Variants in TXNIP observed in about 807,000 individuals in gnomAD.
The protein encoded by TXNIP is thioredoxin interacting protein.
In TXNIP, 23 loss-of-function variants were observed where a neutral mutation model predicts 43.9. The observed-to-expected ratio is 0.52, with a 90% CI of 0.38 to 0.74. TXNIP has a LOEUF of 0.74. Among genes scored for constraint, TXNIP ranks in the 30% least tolerant of loss-of-function variants. The pLI, the probability that TXNIP is intolerant of heterozygous loss-of-function variation, is 0.00. For missense variants in TXNIP, 555 were observed against 485.4 expected, an observed-to-expected ratio of 1.14 and a Z score of -1.35; for synonymous variants, 234 against 172.2, an observed-to-expected ratio of 1.36 and a Z score of -2.81.
rs782749501 is a variant in TXNIP, at chr1:145,996,022, G to A, written c.245C>T (p.Pro82Leu). 2 of 1,613,212 alleles carry A rather than the reference G, an allele frequency of 1.2e-6. No homozygotes were observed. Among genetic ancestry groups the A allele is most frequent in the Non-Finnish European group, 1.7e-6 (2 of 1,179,770 alleles). The change falls in exon 1 of 8, where the codon CCA becomes CTA. Residue 82 changes from proline (P) to leucine (L), a missense_variant. Coordinates refer to ENST00000582401, the MANE Select transcript of TXNIP (RefSeq NM_006472.6). ...YEDTLLLEDQ[P>L]TGENEMVIMR... ...CAATGAATTGGGCCGCTTACCTGTTGGCTGGTCTTCCAGAAGAAGCGTGTC... is the reference window on the plus strand; with the variant it reads ...CAATGAATTGGGCCGCTTACCTGTTAGCTGGTCTTCCAGAAGAAGCGTGTC...
At position 145,993,300 on chromosome 1, in the gene TXNIP, C is replaced by T. The variant is rs1651265657; in HGVS notation, c.*551G>A. The T allele has an allele frequency of 1.3e-5, 2 of 153,500 alleles. No homozygotes were observed. The highest frequency in any genetic ancestry group is 4.8e-5 in the African/African-American group (2 of 41,428). 9.5% of individuals were successfully genotyped at this position (153,500 alleles called of 1,614,324 possible). A position where few individuals can be genotyped will look rare whatever the true frequency, so the allele number is the denominator to read the frequency against. On this transcript the variant is annotated 3_prime_UTR_variant, in exon 8 of 8. Coordinates refer to ENST00000582401, the MANE Select transcript of TXNIP (RefSeq NM_006472.6). Reference sequence around the variant, plus strand: ...AGGGAAAGCTCTCTCCATTGTCCATCAAATCAGCTCTAGAAGGTTTTTCTT... The same window carrying T: ...AGGGAAAGCTCTCTCCATTGTCCATTAAATCAGCTCTAGAAGGTTTTTCTT...
rs1651188848 is a variant in TXNIP, at chr1:145,992,457, TTTA to T, written c.*1391_*1393del. ...ACATTTTTTTTTCCATTAAAAAAAC[TTTA>T]TTTTCATTTTTTACAAAGAATATCC... On this transcript the variant is annotated 3_prime_UTR_variant, in exon 8 of 8. Coordinates refer to ENST00000582401, the MANE Select transcript of TXNIP (RefSeq NM_006472.6). 2.6e-5 allele frequency: 4 copies of T among 152,630 alleles called. No individual in the cohort carries two copies. The highest frequency in any genetic ancestry group is 5.9e-5 in the Non-Finnish European group (4 of 68,032). 9.5% of individuals were successfully genotyped at this position (152,630 alleles called of 1,614,324 possible).
chr1:145,994,997 G>A lies in TXNIP; in HGVS notation c.506C>T (p.Ser169Phe), dbSNP rs781935126. Residue 169 changes from serine to phenylalanine, a missense_variant, in exon 4 of 8, where the codon TCC becomes TTC. Physicochemically the swap from Ser to Phe is radical, Grantham distance 155. Coordinates refer to ENST00000582401, the MANE Select transcript of TXNIP (RefSeq NM_006472.6). ...CCGCCCATCAGGAATGAACATGCAG[G>A]AAACTTTCTTTTCTTTTTTAGCAGA... ...PVSAKKEKKVSCMFIPDGRVS... is the reference protein window; with the variant it reads ...PVSAKKEKKVFCMFIPDGRVS... 19 of 1,614,036 alleles carry A rather than the reference G, an allele frequency of 1.2e-5. No individual in the cohort carries two copies. Among genetic ancestry groups the A allele is most frequent in the Admixed American group, 1.7e-5 (1 of 59,998 alleles).
chr1:145,994,456 GT>G lies in TXNIP; in HGVS notation c.832-20del. The stretch of plus-strand genomic sequence containing the variant: ...CATAGATCTAGAAAGGAAGATGGCA[GT>G]TTATTACACCAGAGGTCTGGAGAAA... On this transcript the variant is annotated intron_variant, in intron 5 of 7. Transcript: ENST00000582401. The G allele has an allele frequency of 6.2e-7, 1 of 1,613,500 alleles. No individual in the cohort carries two copies. The highest frequency in any genetic ancestry group is 8.5e-7 in the Non-Finnish European group (1 of 1,179,670).
At chr1:145,995,735 G>T (rs145679208) in intron 1 of TXNIP, 33 of 608,184 alleles carry the variant, frequency 5.4e-5, no homozygotes, top group African/African-American at 4.6e-4. Context: ...ATAGGAAGTA[G>T]ACAAAGAATA....
chr1:145,995,992 T>C, intron 1 of TXNIP, 25 bp downstream of exon 1: 1 of 1,610,510 alleles, frequency 6.2e-7, no homozygotes, highest in Non-Finnish European at 8.5e-7. Context: ...GCTTTCACCC[T>C]CCAACAATGA....
chr1:145,995,973 C>T, intron 1 of TXNIP, 44 bp downstream of exon 1: 1 of 1,603,410 alleles, frequency 6.2e-7, no homozygotes, highest in Non-Finnish European at 8.5e-7. Flanking sequence ...CAATTCTCTT[C>T]TCTAATCAGC....
chr1:145,995,891 G>C (rs1651492574), intron 1 of TXNIP, 126 bp downstream of exon 1: 5 of 1,187,522 alleles, frequency 4.2e-6, no homozygotes, highest in East Asian at 2.4e-5. Context: ...ACAGAAAAAA[G>C]GAAGCAACAA....
chr1:145,996,469 G>A lies in TXNIP; in HGVS notation c.-203C>T. 1 of 557,774 alleles carries A rather than the reference G, an allele frequency of 1.8e-6. No individual in the cohort carries two copies. Among genetic ancestry groups the A allele is most frequent in the South Asian group, 2.3e-5 (1 of 43,946 alleles). The allele number at this position is 557,774 out of a possible 1,614,324, so 34.6% of individuals were successfully genotyped here. On this transcript the variant is annotated 5_prime_UTR_variant, in exon 1 of 8. Transcript: ENST00000582401. Reference sequence around the variant, plus strand: ...TCGAAAAGGCGCCTAAAAAATATACGCCGCTGGTTACACTAAGCTAATTCA... The same window carrying A: ...TCGAAAAGGCGCCTAAAAAATATACACCGCTGGTTACACTAAGCTAATTCA...
chr1:145,993,918 G>T (rs781909880), intron 7 of TXNIP, 32 bp from the exon 8 acceptor site: 8 of 1,613,870 alleles, frequency 5.0e-6, no homozygotes, highest in Non-Finnish European at 6.8e-6. Context: ...TTCAGTTCAG[G>T]TAAGAACAAA....
At chr1:145,995,884 G>A (rs1553766483) in intron 1 of TXNIP, 133 bp downstream of exon 1, 1 of 1,154,952 alleles carries the variant, frequency 8.7e-7, no homozygotes, top group African/African-American at 1.5e-5. Context: ...AATTAAAACA[G>A]AAAAAAGGAA....
At position 145,994,446 on chromosome 1, in the gene TXNIP, GAA is replaced by G. The variant is rs782043621; in HGVS notation, c.832-11_832-10del. The G allele has an allele frequency of 1.9e-6, 3 of 1,613,546 alleles. No homozygotes were observed. In the South Asian group the frequency reaches 3.3e-5, roughly 18 times the overall value. On this transcript the variant is annotated splice_polypyrimidine_tract_variant and intron_variant, in intron 5 of 7. Coordinates refer to ENST00000582401, the MANE Select transcript of TXNIP (RefSeq NM_006472.6). ...GGAACGCTAACATAGATCTAGAAAG[GAA>G]GATGGCAGTTTATTACACCAGAGGT...
rs1651225176 is a variant in TXNIP at position 145,992,940 on chromosome 1, A to C, written c.*911T>G. 6.5e-6 allele frequency: 1 copy of C among 152,674 alleles called. No homozygotes were observed. Among genetic ancestry groups the C allele is most frequent in the Admixed American group, 6.5e-5 (1 of 15,282 alleles). The allele number at this position is 152,674 out of a possible 1,614,324, so 9.5% of individuals were successfully genotyped here. On this transcript the variant is annotated 3_prime_UTR_variant, in exon 8 of 8. Coordinates refer to ENST00000582401, the MANE Select transcript of TXNIP (RefSeq NM_006472.6). ...ATTCTGTACATTGGGGCAATCTCAA[A>C]AGTAGTAAAATTTTTTTTGTCTTTT...
chr1:145,995,929 C>G (rs1651494142), intron 1 of TXNIP, 88 bp downstream of exon 1: 1 of 1,501,700 alleles, frequency 6.7e-7, no homozygotes. Context: ...TCAAACTGAG[C>G]AACTTAAAAC....
At chr1:145,995,105 C>T (rs1353358980) in intron 3 of TXNIP, 39 bp downstream of exon 3, 1 of 1,613,760 alleles carries the variant, frequency 6.2e-7, no homozygotes, top group Non-Finnish European at 8.5e-7. Context: ...TTATCATCCT[C>T]ATGACCCAGG....
Position 145,992,909 on chromosome 1 carries a change from T to G in TXNIP, c.*942A>C, listed in dbSNP as rs1651223438. 1 of 152,646 alleles carries G rather than the reference T, an allele frequency of 6.6e-6. No individual in the cohort carries two copies. Among genetic ancestry groups the G allele is most frequent in the Non-Finnish European group, 1.5e-5 (1 of 68,034 alleles). The allele number at this position is 152,646 out of a possible 1,614,324, so 9.5% of individuals were successfully genotyped here. On this transcript the variant is annotated 3_prime_UTR_variant, in exon 8 of 8. Coordinates refer to ENST00000582401, the MANE Select transcript of TXNIP (RefSeq NM_006472.6). ...TTTCACATGATTTAAGCGTTAGAATTATATAATTCTGTACATTGGGGCAAT... is the reference window on the plus strand; with the variant it reads ...TTTCACATGATTTAAGCGTTAGAATGATATAATTCTGTACATTGGGGCAAT...
chr1:145,995,826 A>G (rs912526725), intron 1 of TXNIP, 191 bp downstream of exon 1: 10 of 754,734 alleles, frequency 1.3e-5, no homozygotes, highest in Non-Finnish European at 2.1e-5. Context: ...CACCATAAAA[A>G]ATTGTACAAA....
intron 1 of TXNIP, chr1:145,995,735 G>A (rs145679208): frequency 4.9e-6 from 3 of 608,066 alleles, no homozygotes; most frequent in Non-Finnish European, 8.6e-6. Flanking sequence ...ATAGGAAGTA[G>A]ACAAAGAATA....
chr1:145,994,306 A>T lies in TXNIP; in HGVS notation c.963T>A (p.Asp321Glu), dbSNP rs1424160007. Reference protein sequence around the residue: ...SRTSSEMSWVDLNIPDTPEAP... With the variant: ...SRTSSEMSWVELNIPDTPEAP... ...CTTCTGGGGTATCAGGGATGTTCAGATCTACCCAACTCATCTCAGAGCTGG... is the reference window on the plus strand; with the variant it reads ...CTTCTGGGGTATCAGGGATGTTCAGTTCTACCCAACTCATCTCAGAGCTGG... The change falls in exon 6 of 8, where the codon GAT (aspartate) becomes GAA (glutamate). Residue 321 changes from aspartate to glutamate, a missense_variant. By Grantham distance (45) the Asp-to-Glu change is conservative (BLOSUM62 2). Coordinates refer to ENST00000582401, the MANE Select transcript of TXNIP (RefSeq NM_006472.6). The T allele has an allele frequency of 6.2e-7, 1 of 1,614,204 alleles. No homozygotes were observed. The highest frequency in any genetic ancestry group is 1.1e-5 in the South Asian group (1 of 91,086).
Sources: gnomAD v4.1 joint callset for allele counts on GRCh38, gnomAD v4.1.1 for gene constraint, MANE v1.5 for transcripts, NCBI Gene and HGNC (gene_info 2026-07-23, HGNC 2026-07-21) for gene names.